PAH: variants seen among roughly 807,000 people sequenced by gnomAD.
PAH encodes phenylalanine hydroxylase.
In PAH, 64 loss-of-function variants were observed where a neutral mutation model predicts 62.0. That is an observed-to-expected ratio of 1.03 (90% CI 0.84 to 1.27). The LOEUF (loss-of-function observed/expected upper bound fraction) is 1.27. Ranked by LOEUF, PAH falls within the 50% of genes most tolerant of loss-of-function variation. The pLI, the probability that PAH is intolerant of heterozygous loss-of-function variation, is 0.00. For synonymous variants in PAH, 195 were observed against 196.2 expected, an observed-to-expected ratio of 0.99 and a Z score of 0.05; for missense variants, 579 against 542.8, an observed-to-expected ratio of 1.07 and a Z score of -0.66.
chr12:102,938,285 AT>A (rs140435342), intron 1 of PAH, among the ~76,000 whole-genome samples: 5,722 of 152,070 alleles, frequency 0.038, 174 homozygotes, highest in African/African-American at 0.082. Context: ...TGGGCACAGG[AT>A]TTTCCCTGTG....
intron 8 of PAH, 100 bp downstream of exon 8, chr12:102,851,587 G>T: frequency 1.1e-6 from 1 of 935,474 alleles, no homozygotes; most frequent in Non-Finnish European, 1.7e-6. Flanking sequence ...CCTGGTTTCC[G>T]CTCTTGCAGA....
At chr12:102,947,305 G>C (rs34048816) in intron 1 of PAH, among the ~76,000 whole-genome samples, 3,736 of 152,182 alleles carry the variant, frequency 0.025, 124 homozygotes, top group African/African-American at 0.077. Flanking sequence ...TGTGTGGGCA[G>C]ATGGTGCTAA....
At chr12:102,851,100 A>AG (rs1460088147) in intron 8 of PAH, among the ~76,000 whole-genome samples, 12 of 151,562 alleles carry the variant, frequency 7.9e-5, no homozygotes, top group African/African-American at 2.7e-4. Flanking sequence ...AAAGAAAAAA[A>AG]AAAGAAAGAA....
chr12:102,865,916 C>T (rs1875936253), intron 5 of PAH, among the ~76,000 whole-genome samples: 1 of 152,134 alleles, frequency 6.6e-6, no homozygotes. Flanking sequence ...TTCTTAATCC[C>T]TTAACTCAGT....
intron 5 of PAH, among the ~76,000 whole-genome samples, chr12:102,856,721 A>G (rs893922136): frequency 2.6e-5 from 4 of 152,236 alleles, no homozygotes; most frequent in Non-Finnish European, 5.9e-5. Context: ...CCAGGCAAAC[A>G]GGGTCTGGAG....
At chr12:102,860,494 C>T (rs1344623176) in intron 5 of PAH, among the ~76,000 whole-genome samples, 1 of 92,086 alleles carries the variant, frequency 1.1e-5, no homozygotes, top group African/African-American at 5.8e-5. Flanking sequence ...CTTTAAAGTT[C>T]ATATGGAACC....
At chr12:102,950,166 G>C (rs1208267455) in intron 1 of PAH, 1 of 152,190 alleles carries the variant, frequency 6.6e-6, no homozygotes, top group African/African-American at 2.4e-5. Context: ...TTCCTAAAGA[G>C]TCCATGAGAG....
rs1379613102 is a variant in PAH, at chr12:102,897,492, T to TATATATATATATATATAA, written c.169-2575_169-2574insTTATATATATATATATAT. ...ATATATATATATATATATATATATA[T>TATATATATATATATATAA]AATTCAAACTGACATTTATTCTTGG... On this transcript the variant is annotated intron_variant, in intron 2 of 12. Transcript: ENST00000553106. 4.1e-3 allele frequency among the ~76,000 whole-genome samples: 558 copies of TATATATATATATATATAA among 137,136 alleles called. 4 individuals carry two copies. The highest frequency in any genetic ancestry group is 0.017 in the African/African-American group (531 of 31,014). 90.0% of individuals were successfully genotyped at this position (137,136 alleles called of 152,430 possible).
In PAH at chr12:102,866,608, T is replaced by C. The variant is rs753254031; in HGVS notation, c.497A>G (p.Tyr166Cys). The C allele has an allele frequency of 5.6e-6, 9 of 1,613,556 alleles. 1 individual carries two copies. In the South Asian group the frequency reaches 8.8e-5, roughly 16 times the overall value. The change falls in exon 5 of 13, where the codon TAC becomes TGC. Residue 166 changes from tyrosine to cysteine, a missense_variant. Transcript: ENST00000553106. ...AAGGCAGACTTACTGGCGGTAGTTG[T>C]AGGCAATGTCAGCAAACTGCTTCCG... is the stretch of plus-strand genomic sequence containing the variant. ...ARRKQFADIA[Y>C]NYRHGQPIPR...
intron 3 of PAH, among the ~76,000 whole-genome samples, chr12:102,879,757 C>T (rs1039454989): frequency 2.6e-5 from 4 of 152,118 alleles, no homozygotes; most frequent in African/African-American, 7.2e-5. Context: ...TGGTCTTGAT[C>T]GTCAATGCAT....
rs1160708802 is a variant in PAH, at chr12:102,896,189, GGGC to G, written c.169-1274_169-1272del. Among the ~76,000 whole-genome samples, 826 of 152,258 alleles carry G rather than the reference GGGC, an allele frequency of 5.4e-3. 3 individuals are homozygous for G. The highest frequency in any genetic ancestry group is 0.011 in the South Asian group (51 of 4,826). On this transcript the variant is annotated intron_variant, in intron 2 of 12. Transcript: ENST00000553106. ...CAGGACTAAATAGGGCAGGCACATG[GGGC>G]CTCATTGGGATGGCAAGATTTATGT... is the stretch of plus-strand genomic sequence containing the variant.
At chr12:102,953,844 C>T (rs916760207), upstream of PAH, 2 of 152,142 alleles carry the variant, frequency 1.3e-5, no homozygotes, top group Admixed American at 6.5e-5. Flanking sequence ...TGCTGCTATT[C>T]GGAAAAAGTG....
chr12:102,921,446 A>T (rs1048208484), upstream of PAH, among the ~76,000 whole-genome samples: 9 of 152,228 alleles, frequency 5.9e-5, no homozygotes, highest in African/African-American at 2.2e-4. Context: ...GTCACTGAAC[A>T]CATTGCCTCC....
intron 3 of PAH, among the ~76,000 whole-genome samples, chr12:102,883,921 G>A (rs776393600): frequency 1.2e-4 from 19 of 152,194 alleles, no homozygotes; most frequent in African/African-American, 2.9e-4. Context: ...CTAATAGTAC[G>A]TCCTTCAGAG....
chr12:102,839,263 C>G, intron 12 of PAH, 45 bp from the exon 13 acceptor site: 2 of 1,591,888 alleles, frequency 1.3e-6, no homozygotes, highest in Non-Finnish European at 1.7e-6. Flanking sequence ...GTATAATAAG[C>G]AAAAACTCTT....
chr12:102,899,648 A>G (rs1877656160), intron 2 of PAH, among the ~76,000 whole-genome samples: 4 of 151,376 alleles, frequency 2.6e-5, no homozygotes, highest in Non-Finnish European at 5.9e-5. Flanking sequence ...TCACGAGGTC[A>G]GGAGATCGAG....
At chr12:102,905,796 G>A (rs1308329827) in intron 2 of PAH, among the ~76,000 whole-genome samples, 7 of 147,672 alleles carry the variant, frequency 4.7e-5, no homozygotes, top group Admixed American at 6.8e-5. Flanking sequence ...TCTCATTCCC[G>A]ACTTGGCATC....
chr12:102,861,725 G>T (rs561979460), intron 5 of PAH, among the ~76,000 whole-genome samples: 1 of 151,944 alleles, frequency 6.6e-6, no homozygotes, highest in Non-Finnish European at 1.5e-5. Flanking sequence ...GCAAACTATC[G>T]CAGGGACAGA....
chr12:102,943,974 C>T (rs1308841736), intron 1 of PAH, among the ~76,000 whole-genome samples: 1 of 152,154 alleles, frequency 6.6e-6, no homozygotes, highest in African/African-American at 2.4e-5. Context: ...CACCAAACCC[C>T]TGTGATATAA....
Sources: gnomAD v4.1 joint callset for allele counts (sites outside exome capture counted in the v4.1 genomes callset) on GRCh38, gnomAD v4.1.1 for gene constraint, MANE v1.5 for transcripts, NCBI Gene and HGNC (gene_info 2026-07-23, HGNC 2026-07-21) for gene names.